The following ARMC12 variants were observed in gnomAD, a reference collection of about 807,000 sequenced individuals.
The protein encoded by ARMC12 is armadillo repeat-containing protein 12.
In ARMC12, 25 loss-of-function variants were observed where a neutral mutation model predicts 37.4. The observed-to-expected ratio is 0.67, with a 90% CI of 0.49 to 0.93. The LOEUF is 0.93. Among genes scored for constraint, ARMC12 ranks in the 40% least tolerant of loss-of-function variants. ARMC12 has a pLI of 0.00. For missense variants in ARMC12, 384 were observed against 426.6 expected (o/e 0.90, Z 0.88); for synonymous variants, 167 against 176.1 (o/e 0.95, Z 0.41).
At chr6:35,734,249 T>C (rs756483819), upstream of ARMC12, among the ~76,000 whole-genome samples, 9 of 152,104 alleles carry the variant, frequency 5.9e-5, no homozygotes, top group Admixed American at 1.3e-4. Context: ...AACCTCTGCC[T>C]CCCAGGTTCA....
At chr6:35,731,830 G>C in the ARMC12 span, among the ~76,000 whole-genome samples, 9 of 152,208 alleles carry the variant, frequency 5.9e-5, no homozygotes, top group Non-Finnish European at 1.0e-4. Context: ...CCCCTTCCCG[G>C]GCAGCCCCGT....
upstream of ARMC12, among the ~76,000 whole-genome samples, chr6:35,736,191 G>A (rs530362545): frequency 6.6e-6 from 1 of 152,322 alleles, no homozygotes; most frequent in Admixed American, 6.5e-5. Flanking sequence ...TGTCAAACAG[G>A]TAAACTTCAG....
chr6:35,743,489 A>C (rs1179334714), intron 3 of ARMC12, among the ~76,000 whole-genome samples: 1 of 152,168 alleles, frequency 6.6e-6, no homozygotes, highest in African/African-American at 2.4e-5. Flanking sequence ...AAGTGCTGGG[A>C]TTAAAGGCGT....
At chr6:35,747,541 C>T in intron 4 of ARMC12, 35 bp from the exon 5 acceptor site, 1 of 1,613,480 alleles carries the variant, frequency 6.2e-7, no homozygotes, top group Admixed American at 1.7e-5. Context: ...CCAGACTCAC[C>T]TGCCTTCTCA....
upstream of ARMC12, among the ~76,000 whole-genome samples, chr6:35,732,086 C>T (rs1400848267): frequency 6.6e-6 from 1 of 152,084 alleles, no homozygotes; most frequent in Non-Finnish European, 1.5e-5. Flanking sequence ...AGAGCAAGAC[C>T]GGGGGAGGCC....
intron 2 of ARMC12, 85 bp from the exon 3 acceptor site, chr6:35,738,299 T>C: frequency 1.6e-6 from 2 of 1,243,810 alleles, no homozygotes; most frequent in Non-Finnish European, 1.1e-6. Context: ...GGGGGGGGTG[T>C]GCGGAGGGAT....
chr6:35,738,289 G>GGC lies in ARMC12; in HGVS notation c.310-94_310-93insCG, dbSNP rs1040850202. On this transcript the variant is annotated intron_variant, in intron 2 of 5. Transcript: ENST00000373866. ...ACCTCTCTCTGGCTGATAGCGGTGG[G>GGC]GGGGGGGTGTGCGGAGGGATCTTGG... 14 of 1,427,694 alleles carry GGC rather than the reference G, an allele frequency of 9.8e-6. 1 individual carries two copies. Among genetic ancestry groups the GGC allele is most frequent in the East Asian group, 2.4e-5 (1 of 42,336 alleles). The allele number at this position is 1,427,694 out of a possible 1,614,324, so 88.4% of individuals were successfully genotyped here.
chr6:35,736,028 A>T (rs1766951116), upstream of ARMC12: 1 of 152,190 alleles, frequency 6.6e-6, no homozygotes. Context: ...CTCCAAGGTC[A>T]CTCTGGTTAG....
In ARMC12 at chr6:35,748,591, G is replaced by A; in HGVS notation, c.744G>A (p.Leu248=). The part of the protein sequence containing the change: ...LFQPTQSGSL[L]YEVLVFAERL... ...AGCCCACACAGTCAGGGAGTCTCCT[G>A]TATGAGGTACTGGTGTTTGCTGAGC... Residue 248 remains leucine (L), a synonymous_variant, in exon 6 of 6, where the codon CTG becomes CTA. Transcript: ENST00000373866. The A allele has an allele frequency of 6.3e-7, 1 of 1,584,286 alleles. No individual in the cohort carries two copies. The highest frequency in any genetic ancestry group is 8.6e-7 in the Non-Finnish European group (1 of 1,163,802).
chr6:35,747,165 A>C, intron 3 of ARMC12, 96 bp from the exon 4 acceptor site: 1 of 1,414,090 alleles, frequency 7.1e-7, no homozygotes, highest in Non-Finnish European at 9.6e-7. Context: ...GGTTTGGCCC[A>C]GGGGACATCC....
chr6:35,736,955 GC>G, upstream of ARMC12: 1 of 1,192,908 alleles, frequency 8.4e-7, no homozygotes, highest in Non-Finnish European at 1.2e-6. Context: ...CCTGACCACT[GC>G]CCTCCATCCC....
intron 3 of ARMC12, among the ~76,000 whole-genome samples, chr6:35,740,401 C>CCATA (rs1268195582): frequency 6.6e-6 from 1 of 152,132 alleles, no homozygotes; most frequent in African/African-American, 2.4e-5. Context: ...TGCTTACGCT[C>CCATA]CGCTCCCCCA....
intron 3 of ARMC12, among the ~76,000 whole-genome samples, chr6:35,746,636 G>T (rs1422742521): frequency 3.9e-5 from 6 of 152,214 alleles, no homozygotes; most frequent in African/African-American, 1.4e-4. Context: ...GGGGTGAGGA[G>T]AAGTGGCTTG....
rs554282976 is a variant in ARMC12 at position 35,738,287 on chromosome 6, G to T, written c.310-97G>T. ...GGACCTCTCTCTGGCTGATAGCGGT[G>T]GGGGGGGGGTGTGCGGAGGGATCTT... On this transcript the variant is annotated intron_variant, in intron 2 of 5. Transcript: ENST00000373866. 4.7e-4 allele frequency: 479 copies of T among 1,015,774 alleles called. 9 individuals carry two copies. The South Asian group carries it at 8.0e-3, about 17-fold the overall frequency. The allele number at this position is 1,015,774 out of a possible 1,614,324, so 62.9% of individuals were successfully genotyped here.
At position 35,747,347 on chromosome 6, in the gene ARMC12, T is replaced by A; in HGVS notation, c.531T>A (p.Leu177=). The A allele has an allele frequency of 6.2e-7, 1 of 1,614,088 alleles. No homozygotes were observed. The highest frequency in any genetic ancestry group is 1.7e-5 in the Admixed American group (1 of 60,002). The change falls in exon 4 of 6, where the codon CTT becomes CTA. Residue 177 remains leucine, a synonymous_variant. Coordinates refer to ENST00000373866, the MANE Select transcript of ARMC12 (RefSeq NM_001286574.2). The part of the protein sequence containing the change: ...HIAGLRLLNN[L]PLPDYVHPQL... ...CGGGCCTCAGACTCCTCAACAACCTTCCACTGCCCGACTATGTGCATCCAC... is the reference window on the plus strand; with the variant it reads ...CGGGCCTCAGACTCCTCAACAACCTACCACTGCCCGACTATGTGCATCCAC...
chr6:35,736,889 T>C (rs182984413), upstream of ARMC12: 1,768 of 642,134 alleles, frequency 2.8e-3, 8 homozygotes, highest in Admixed American at 4.5e-3. Flanking sequence ...GGATTACAAG[T>C]GTGGGCCATG....
intron 3 of ARMC12, among the ~76,000 whole-genome samples, chr6:35,745,621 T>G (rs1767313343): frequency 1.3e-5 from 2 of 152,240 alleles, no homozygotes; most frequent in Non-Finnish European, 2.9e-5. Flanking sequence ...TGCACACATA[T>G]TACACCAACA....
At chr6:35,741,869 A>C (rs1463534695) in intron 3 of ARMC12, among the ~76,000 whole-genome samples, 1 of 152,114 alleles carries the variant, frequency 6.6e-6, no homozygotes, top group Middle Eastern at 3.2e-3. Flanking sequence ...AAATACCTAG[A>C]GAGATCTCTG....
At chr6:35,734,810 GAAA>G (rs796799553), upstream of ARMC12, among the ~76,000 whole-genome samples, 1 of 129,404 alleles carries the variant, frequency 7.7e-6, no homozygotes, top group African/African-American at 2.8e-5. Context: ...TCAAAAAAAA[GAAA>G]AAAAAAAAAG....
Sources: gnomAD v4.1 joint callset for allele counts (sites outside exome capture counted in the v4.1 genomes callset) on GRCh38, gnomAD v4.1.1 for gene constraint, MANE v1.5 for transcripts, NCBI Gene and HGNC (gene_info 2026-07-23, HGNC 2026-07-21) for gene names.